The following IL1RAPL1 variants were observed in gnomAD, a reference collection of about 807,000 sequenced individuals.
IL1RAPL1 encodes the protein interleukin-1 receptor accessory protein-like 1.
IL1RAPL1 carries 3 observed loss-of-function variants against 48.4 expected under a neutral mutation model. That is an observed-to-expected ratio of 0.06 (90% CI 0.03 to 0.16). The LOEUF (loss-of-function observed/expected upper bound fraction) is 0.16, where lower values mean the gene tolerates loss of function less well. Ranked by LOEUF, IL1RAPL1 falls within the 10% of genes least tolerant of loss-of-function variation. IL1RAPL1 has a pLI of 1.00. For missense variants in IL1RAPL1, 349 were observed against 530.6 expected, an observed-to-expected ratio of 0.66 and a Z score of 3.36; for synonymous variants, 185 against 187.7, an observed-to-expected ratio of 0.99 and a Z score of 0.12.
chrX:29,060,879 C>T (rs960709824), intron 2 of IL1RAPL1, among the ~76,000 whole-genome samples: 52 of 111,792 alleles, frequency 4.7e-4, no homozygotes, highest in African/African-American at 1.7e-3. Flanking sequence ...TATTTATAAA[C>T]ATTCACTATT....
intron 5 of IL1RAPL1, among the ~76,000 whole-genome samples, chrX:29,447,828 T>C (rs766825349): frequency 2.0e-4 from 22 of 112,223 alleles, no homozygotes; most frequent in African/African-American, 6.8e-4. Context: ...AGAGCAAAAA[T>C]TAGTGGCATA....
intron 2 of IL1RAPL1, among the ~76,000 whole-genome samples, chrX:29,193,236 T>C (rs1930384033): frequency 9.0e-6 from 1 of 110,935 alleles, no homozygotes; most frequent in South Asian, 3.8e-4. Flanking sequence ...GTTGTTAATA[T>C]TGACAAGTAG....
intron 2 of IL1RAPL1, among the ~76,000 whole-genome samples, chrX:28,834,596 T>G (rs1167045585): frequency 3.6e-5 from 4 of 111,415 alleles, no homozygotes; most frequent in Non-Finnish European, 5.7e-5. Flanking sequence ...ATGCTAAATG[T>G]CTAATAATAA....
chrX:29,837,258 CAAA>C (rs34032700), intron 6 of IL1RAPL1, among the ~76,000 whole-genome samples: 3 of 30,033 alleles, frequency 1.0e-4, no homozygotes, highest in South Asian at 1.9e-3. Flanking sequence ...GACTGCATCT[CAAA>C]AAAAAAAAAA....
intron 6 of IL1RAPL1, among the ~76,000 whole-genome samples, chrX:29,786,729 G>T (rs1929509005): frequency 9.0e-6 from 1 of 111,463 alleles, no homozygotes; most frequent in African/African-American, 3.3e-5. Context: ...AGCAAATCAG[G>T]GTATCTTGAC....
intron 3 of IL1RAPL1, among the ~76,000 whole-genome samples, chrX:29,349,865 G>T (rs1933199909): frequency 9.2e-6 from 1 of 108,551 alleles, no homozygotes; most frequent in South Asian, 4.1e-4. Flanking sequence ...CTTGCTCCCT[G>T]CTAGAGTTTT....
intron 5 of IL1RAPL1, among the ~76,000 whole-genome samples, chrX:29,569,072 A>G (rs1922504984): frequency 9.0e-6 from 1 of 111,394 alleles, no homozygotes; most frequent in Non-Finnish European, 1.9e-5. Context: ...AAGGAAAAAA[A>G]TTGTTTAGTA....
chrX:29,118,060 G>A (rs12008876), intron 2 of IL1RAPL1, among the ~76,000 whole-genome samples: 266 of 111,651 alleles, frequency 2.4e-3, no homozygotes, highest in African/African-American at 8.3e-3. Flanking sequence ...AGATGTGTTC[G>A]GTTTTTCAAA....
intron 5 of IL1RAPL1, among the ~76,000 whole-genome samples, chrX:29,449,524 T>A (rs1934650579): frequency 1.8e-5 from 2 of 110,846 alleles, no homozygotes; most frequent in South Asian, 7.7e-4. Context: ...ATTATTTTCA[T>A]CATACCCACT....
chrX:29,314,733 C>T (rs990478151), intron 3 of IL1RAPL1, among the ~76,000 whole-genome samples: 2 of 112,273 alleles, frequency 1.8e-5, no homozygotes, highest in African/African-American at 6.5e-5. Context: ...AAGTCCTCAG[C>T]AGGATACCTG....
intron 5 of IL1RAPL1, among the ~76,000 whole-genome samples, chrX:29,638,351 A>G (rs1449470670): frequency 1.9e-5 from 2 of 106,803 alleles, no homozygotes; most frequent in African/African-American, 6.9e-5. Flanking sequence ...GCTCACTGCA[A>G]CCCCCGCCTC....
At chrX:29,746,296 A>G (rs1039845123) in intron 6 of IL1RAPL1, among the ~76,000 whole-genome samples, 1 of 112,295 alleles carries the variant, frequency 8.9e-6, no homozygotes, top group African/African-American at 3.2e-5. Flanking sequence ...TGAATTATTA[A>G]TACATTAGCA....
chrX:29,295,398 G>A (rs1194132636), intron 3 of IL1RAPL1, among the ~76,000 whole-genome samples: 4 of 111,690 alleles, frequency 3.6e-5, no homozygotes, highest in African/African-American at 1.3e-4. Flanking sequence ...GAGTTTGGGG[G>A]TACTTTCTAG....
intron 3 of IL1RAPL1, among the ~76,000 whole-genome samples, chrX:29,298,195 G>A (rs1238940948): frequency 2.7e-5 from 3 of 111,998 alleles, no homozygotes. Flanking sequence ...GCACAGCAGT[G>A]AATTAAACCA....
At chrX:28,829,400 G>C (rs1483436862) in intron 2 of IL1RAPL1, among the ~76,000 whole-genome samples, 2 of 110,843 alleles carry the variant, frequency 1.8e-5, no homozygotes, top group East Asian at 5.7e-4. Context: ...GAAATGGTGA[G>C]TGTGGAAACT....
intron 2 of IL1RAPL1, among the ~76,000 whole-genome samples, chrX:29,113,878 A>T (rs1172259203): frequency 1.8e-5 from 2 of 111,576 alleles, no homozygotes; most frequent in Non-Finnish European, 3.8e-5. Flanking sequence ...TTGCTTGTCT[A>T]ACTGAAAAGC....
At chrX:29,217,769 TCTCTCTCTCACACACACACACACA>T (rs1459392624) in intron 2 of IL1RAPL1, among the ~76,000 whole-genome samples, 4 of 71,135 alleles carry the variant, frequency 5.6e-5, no homozygotes, top group African/African-American at 2.0e-4. Context: ...TCTCTCTCTC[TCTCTCTCTCACACACACACACACA>T]CACACACACA....
chrX:29,942,220 T>C (rs1249600624), intron 9 of IL1RAPL1, among the ~76,000 whole-genome samples: 4 of 112,243 alleles, frequency 3.6e-5, no homozygotes, highest in Non-Finnish European at 7.5e-5. Flanking sequence ...TGATCCGTTA[T>C]AATAAACTGT....
intron 2 of IL1RAPL1, among the ~76,000 whole-genome samples, chrX:29,177,249 G>T (rs1229151579): frequency 8.9e-6 from 1 of 111,787 alleles, no homozygotes; most frequent in Non-Finnish European, 1.9e-5. Flanking sequence ...AGAAAGAACA[G>T]ACCAGTTTTG....
Sources: gnomAD v4.1 joint callset for allele counts (sites outside exome capture counted in the v4.1 genomes callset) on GRCh38, gnomAD v4.1.1 for gene constraint, MANE v1.5 for transcripts, NCBI Gene and HGNC (gene_info 2026-07-23, HGNC 2026-07-21) for gene names.